DLGAP1: variants seen among roughly 807,000 people sequenced by gnomAD.
The protein encoded by DLGAP1 is DLG associated protein 1.
A neutral mutation model predicts 90.8 loss-of-function variants in DLGAP1; 11 were observed. That is an observed-to-expected ratio of 0.12 (90% CI 0.08 to 0.20). The LOEUF is 0.20. Ranked by LOEUF, DLGAP1 falls within the 10% of genes least tolerant of loss-of-function variation. DLGAP1 has a pLI of 1.00. For missense variants in DLGAP1, 1,050 were observed against 1,333.8 expected, an observed-to-expected ratio of 0.79 and a Z score of 3.31; for synonymous variants, 558 against 540.7, an observed-to-expected ratio of 1.03 and a Z score of -0.44.
intron 1 of DLGAP1, among the ~76,000 whole-genome samples, chr18:4,197,518 G>T (rs1423205454): frequency 6.6e-6 from 1 of 152,168 alleles, no homozygotes; most frequent in Non-Finnish European, 1.5e-5. Flanking sequence ...GTGGCATTGT[G>T]AAGTGGCAGA....
rs543911096 is a variant in DLGAP1 at position 4,031,093 on chromosome 18, T to G, written c.-158-25892A>C. Among the ~76,000 whole-genome samples, 176 of 152,246 alleles carry G rather than the reference T, an allele frequency of 1.2e-3. No homozygotes were observed. The South Asian group carries it at 0.013, about 11-fold the overall frequency. ...CTCTCAAACATGGCGCCATTCCTAT[T>G]GAAGTCAGCAGGGGTCCAGCATGAC... On this transcript the variant is annotated intron_variant, in intron 2 of 12. Transcript: ENST00000315677.
intron 1 of DLGAP1, among the ~76,000 whole-genome samples, chr18:4,222,957 C>T (rs1219782586): frequency 1.3e-5 from 2 of 152,000 alleles, no homozygotes; most frequent in Non-Finnish European, 2.9e-5. Context: ...ATGATAAACA[C>T]ATATTAAAGA....
At chr18:3,836,263 C>T (rs1008203025) in intron 4 of DLGAP1, among the ~76,000 whole-genome samples, 3 of 152,066 alleles carry the variant, frequency 2.0e-5, no homozygotes, top group African/African-American at 4.8e-5. Flanking sequence ...ACATCACTTT[C>T]CTACTCAGAA....
chr18:3,654,559 G>A (rs963546031), intron 7 of DLGAP1: 3 of 152,022 alleles, frequency 2.0e-5, no homozygotes, highest in Admixed American at 2.0e-4. Context: ...ACATCAAAAC[G>A]GCCCAGAGTG....
rs192635313 is a variant in DLGAP1 at position 3,898,623 on chromosome 18, G to A, written c.-72-18483C>T. ...AATTGCATACAGCACAGCTGGGGAT[G>A]GGGGTGGCAAGCTGACCTTGTGTGG... is the stretch of plus-strand genomic sequence containing the variant. On this transcript the variant is annotated intron_variant, in intron 3 of 12. Transcript: ENST00000315677. Among the ~76,000 whole-genome samples the A allele has an allele frequency of 2.4e-3, 372 of 152,302 alleles. 1 individual carries two copies. The highest frequency in any genetic ancestry group is 8.1e-3 in the African/African-American group (335 of 41,582).
At position 3,926,137 on chromosome 18, in the gene DLGAP1, T is replaced by C. The variant is rs368773685; in HGVS notation, c.-72-45997A>G. Among the ~76,000 whole-genome samples the C allele has an allele frequency of 5.1e-4, 78 of 152,314 alleles. No individual in the cohort carries two copies. The South Asian group carries it at 0.013, about 25-fold the overall frequency. On this transcript the variant is annotated intron_variant, in intron 3 of 12. Coordinates refer to ENST00000315677, the MANE Select transcript of DLGAP1 (RefSeq NM_004746.4). ...CTGGAGTGAACAGTGTGGTGTCAGA[T>C]TGAAATTAGAGGTCATTGTATAAGC...
At chr18:3,929,444 T>C (rs2072467532) in intron 3 of DLGAP1, among the ~76,000 whole-genome samples, 1 of 152,186 alleles carries the variant, frequency 6.6e-6, no homozygotes, top group Admixed American at 6.6e-5. Context: ...ACCATGGGTT[T>C]TGGTTCAAAA....
At position 4,084,386 on chromosome 18, in the gene DLGAP1, T is replaced by G. The variant is rs11663122; in HGVS notation, c.-159+66794A>C. ...AATTTAGATTTGTTTTCGACAGGGC[T>G]CAGAACAAGGGCCAGATAATAGCCT... On this transcript the variant is annotated intron_variant, in intron 2 of 12. Transcript: ENST00000315677. The surrounding 1 kb of genome is among the most constrained non-coding windows in gnomAD (Gnocchi z 4.0). Among the ~76,000 whole-genome samples, 32,173 of 152,180 alleles carry G rather than the reference T, an allele frequency of 0.21. 4,260 individuals are homozygous for G. Among genetic ancestry groups the G allele is most frequent in the Non-Finnish European group, 0.31 (20,981 of 67,982 alleles).
At chr18:3,900,185 T>C (rs1433373255) in intron 3 of DLGAP1, among the ~76,000 whole-genome samples, 2 of 152,110 alleles carry the variant, frequency 1.3e-5, no homozygotes, top group East Asian at 1.9e-4. Context: ...CCAAAGCTTA[T>C]AAAATAATTG....
At position 3,582,103 on chromosome 18, in the gene DLGAP1, A is replaced by T; in HGVS notation, c.1737T>A (p.Asp579Glu). The T allele has an allele frequency of 6.2e-7, 1 of 1,612,704 alleles. No homozygotes were observed. Among genetic ancestry groups the T allele is most frequent in the South Asian group, 1.1e-5 (1 of 91,000 alleles). ...AYMDGQGQRGDIISQSGLSNS... is the reference protein window; with the variant it reads ...AYMDGQGQRGEIISQSGLSNS... ...TGCTGAGTCCAGACTGGCTGATAAT[A>T]TCTCCTCGCTGGCCCTGTCCGTCCA... Residue 579 changes from aspartate (D) to glutamate (E), a missense_variant, in exon 8 of 13, where the codon GAT (aspartate) becomes GAA (glutamate). Around this residue, in one of 2 missense-constraint regions of DLGAP1, gnomAD observed 565 missense variants for 879.7 expected, o/e 0.64. Coordinates refer to ENST00000315677, the MANE Select transcript of DLGAP1 (RefSeq NM_004746.4).
chr18:3,596,816 G>T (rs776729250), intron 7 of DLGAP1: 1 of 519,732 alleles, frequency 1.9e-6, no homozygotes, highest in South Asian at 1.4e-5. Flanking sequence ...AAAGCCATTC[G>T]CTGTGATCTC....
At chr18:3,787,191 T>C (rs1228908187) in intron 5 of DLGAP1, among the ~76,000 whole-genome samples, 1 of 152,020 alleles carries the variant, frequency 6.6e-6, no homozygotes, top group Admixed American at 6.5e-5. Context: ...CACATTAAAG[T>C]AAATGAGAGG....
chr18:4,324,940 C>T (rs73378954), intron 1 of DLGAP1, among the ~76,000 whole-genome samples: 17,640 of 152,150 alleles, frequency 0.12, 1,100 homozygotes, highest in East Asian at 0.18. Context: ...GAAGCTTTCT[C>T]TTTGAATATT....
chr18:4,338,255 GAC>G (rs537590423), intron 1 of DLGAP1, among the ~76,000 whole-genome samples: 119 of 152,272 alleles, frequency 7.8e-4, no homozygotes, highest in Admixed American at 7.3e-3. Flanking sequence ...AGTTTGGCCA[GAC>G]ACAGTTTTAT....
chr18:4,055,013 A>G (rs1227192489), intron 2 of DLGAP1, among the ~76,000 whole-genome samples: 1 of 152,202 alleles, frequency 6.6e-6, no homozygotes, highest in African/African-American at 2.4e-5. Context: ...TTGGGAGCAG[A>G]AAGTTGATGG....
intron 2 of DLGAP1, among the ~76,000 whole-genome samples, chr18:4,114,126 T>A (rs1163081957): frequency 5.3e-5 from 8 of 150,368 alleles, no homozygotes; most frequent in Non-Finnish European, 8.9e-5. Context: ...TCCATATGAA[T>A]TTTAGAATGG....
chr18:4,416,057 A>C (rs1454249232), intron 1 of DLGAP1, among the ~76,000 whole-genome samples: 1 of 152,176 alleles, frequency 6.6e-6, no homozygotes, highest in Admixed American at 6.5e-5. Flanking sequence ...CAGTATTTCA[A>C]TTCTGGCACT....
intron 1 of DLGAP1, among the ~76,000 whole-genome samples, chr18:4,267,033 T>C (rs1227884123): frequency 1.3e-5 from 2 of 152,236 alleles, no homozygotes; most frequent in Non-Finnish European, 2.9e-5. Flanking sequence ...CTTACCTTAC[T>C]CTTTTGCAAC....
At chr18:4,119,574 CG>C (rs555500294) in intron 2 of DLGAP1, among the ~76,000 whole-genome samples, 198 of 152,256 alleles carry the variant, frequency 1.3e-3, no homozygotes, top group African/African-American at 4.7e-3. Context: ...TTTAGCAATA[CG>C]GAATACGGTG....
Sources: allele counts gnomAD v4.1 joint callset (sites outside exome capture counted in the v4.1 genomes callset), GRCh38; gene constraint gnomAD v4.1.1; regional missense constraint gnomAD v4.1.1; non-coding constraint Gnocchi (gnomAD v3.1); transcripts MANE v1.5; gene names NCBI Gene and HGNC (gene_info 2026-07-23, HGNC 2026-07-21).